The following KALRN variants were observed in gnomAD, a reference collection of about 807,000 sequenced individuals.
KALRN encodes kalirin RhoGEF kinase.
Under a neutral mutation model 353.7 loss-of-function variants are expected in KALRN, and 70 were observed. The observed-to-expected ratio is 0.20, with a 90% CI of 0.16 to 0.24. The LOEUF (loss-of-function observed/expected upper bound fraction) is 0.24, where lower values mean the gene tolerates loss of function less well. KALRN is among the 10% of genes least tolerant of loss of function. KALRN has a pLI of 1.00. For synonymous variants in KALRN, 1,391 were observed against 1,434.8 expected (o/e 0.97, Z 0.69); for missense variants, 2,791 against 3,756.7 (o/e 0.74, Z 6.72).
chr3:124,294,937 CTT>C (rs1220957247), intron 5 of KALRN, among the ~76,000 whole-genome samples: 2 of 152,186 alleles, frequency 1.3e-5, no homozygotes, highest in Admixed American at 1.3e-4. Flanking sequence ...AATGAAGTGA[CTT>C]TTCCACAGTC....
chr3:124,113,649 C>T (rs191426324), intron 1 of KALRN, among the ~76,000 whole-genome samples: 82 of 152,258 alleles, frequency 5.4e-4, no homozygotes, highest in African/African-American at 1.8e-3. Context: ...TTTAAGGCCC[C>T]GCCTCCTCAC....
intron 5 of KALRN, among the ~76,000 whole-genome samples, chr3:124,296,481 G>C (rs967389958): frequency 8.5e-5 from 13 of 152,144 alleles, no homozygotes; most frequent in African/African-American, 3.1e-4. Context: ...CCGTAATCCA[G>C]GACTCCGGGT....
intron 1 of KALRN, among the ~76,000 whole-genome samples, chr3:124,205,074 C>G (rs1277712351): frequency 6.6e-6 from 1 of 152,168 alleles, no homozygotes; most frequent in African/African-American, 2.4e-5. Context: ...AACAAAACAG[C>G]GTCAGGACAT....
intron 11 of KALRN, among the ~76,000 whole-genome samples, chr3:124,389,205 T>A (rs1008481982): frequency 1.3e-5 from 2 of 152,314 alleles, no homozygotes. Flanking sequence ...GGTGCCAATT[T>A]GTAAAAGAAT....
At chr3:124,714,950 A>C (rs955771196) in intron 58 of KALRN, among the ~76,000 whole-genome samples, 2 of 148,392 alleles carry the variant, frequency 1.3e-5, no homozygotes, top group Non-Finnish European at 1.5e-5. Context: ...CAGGATGTGG[A>C]GGTTGCAGTG....
intron 25 of KALRN, among the ~76,000 whole-genome samples, chr3:124,472,131 G>A (rs4544556): frequency 0.25 from 37,733 of 152,030 alleles, 6,480 homozygotes; most frequent in East Asian, 0.58. Flanking sequence ...AAGTCAGGGT[G>A]TTGCTCTATT....
At chr3:124,247,545 TA>T (rs1273454067) in intron 3 of KALRN, among the ~76,000 whole-genome samples, 1 of 152,126 alleles carries the variant, frequency 6.6e-6, no homozygotes, top group African/African-American at 2.4e-5. Context: ...AAATCAAATT[TA>T]AAAAAACTAA....
intron 1 of KALRN, among the ~76,000 whole-genome samples, chr3:124,190,809 A>G (rs1003029957): frequency 3.3e-5 from 5 of 152,226 alleles, no homozygotes; most frequent in African/African-American, 9.6e-5. Flanking sequence ...GTTCTTCAGC[A>G]GACACCAACT....
intron 34 of KALRN, among the ~76,000 whole-genome samples, chr3:124,570,443 CATGGGAGT>C (rs1235934272): frequency 3.3e-5 from 5 of 152,098 alleles, no homozygotes; most frequent in African/African-American, 7.2e-5. Context: ...CAGAAGTATA[CATGGGAGT>C]ATGATCAATG....
intron 33 of KALRN, chr3:124,518,932 T>C (rs2066926673): frequency 1.0e-6 from 1 of 999,268 alleles, no homozygotes; most frequent in Admixed American, 5.4e-5. Flanking sequence ...CCCATCATTC[T>C]AATCTAGCTT....
At chr3:124,707,779 G>T (rs1440941360) in intron 57 of KALRN, among the ~76,000 whole-genome samples, 1 of 152,106 alleles carries the variant, frequency 6.6e-6, no homozygotes, top group African/African-American at 2.4e-5. Flanking sequence ...CATCTTTCTG[G>T]CCAGACAACT....
intron 15 of KALRN, among the ~76,000 whole-genome samples, 197 bp from the exon 16 acceptor site, chr3:124,430,459 A>C (rs1005103): frequency 0.067 from 10,128 of 152,224 alleles, 804 homozygotes; most frequent in African/African-American, 0.18. Flanking sequence ...CAGGTACATA[A>C]AATAAGTACC....
chr3:124,640,863 A>G (rs1417456756), intron 37 of KALRN, among the ~76,000 whole-genome samples: 1 of 152,210 alleles, frequency 6.6e-6, no homozygotes, highest in Non-Finnish European at 1.5e-5. Flanking sequence ...TCTTCGTTCC[A>G]TATGAGGAAG....
At chr3:124,236,892 G>T (rs1337199683) in intron 3 of KALRN, among the ~76,000 whole-genome samples, 1 of 152,228 alleles carries the variant, frequency 6.6e-6, no homozygotes, top group African/African-American at 2.4e-5. Context: ...AGAACTGGAA[G>T]GCTCTTCACA....
At chr3:124,163,680 T>A in intron 1 of KALRN, 1 of 985,034 alleles carries the variant, frequency 1.0e-6, no homozygotes, top group Non-Finnish European at 1.2e-6. Context: ...GTATAAATAT[T>A]ACAACAGGAC....
chr3:124,595,306 G>C (rs1189560608), intron 34 of KALRN, among the ~76,000 whole-genome samples: 1 of 152,004 alleles, frequency 6.6e-6, no homozygotes, highest in Non-Finnish European at 1.5e-5. Flanking sequence ...AGCCAGCTCA[G>C]CTCAGACAGG....
At chr3:124,044,614 CAAA>C (rs758755114) in intron 1 of KALRN, among the ~76,000 whole-genome samples, 4 of 67,284 alleles carry the variant, frequency 5.9e-5, no homozygotes, top group Non-Finnish European at 9.8e-5. Context: ...ACTCTGTCTC[CAAA>C]AAAAAAAAAA....
chr3:124,696,071 T>C (rs947923320), intron 53 of KALRN, 63 bp from the exon 54 acceptor site: 1 of 1,587,092 alleles, frequency 6.3e-7, no homozygotes, highest in Admixed American at 1.7e-5. Flanking sequence ...CCCTATGGGA[T>C]TTTACCCAGC....
intron 39 of KALRN, 94 bp downstream of exon 39, chr3:124,655,761 G>T: frequency 1.2e-6 from 1 of 815,286 alleles, no homozygotes; most frequent in South Asian, 1.4e-5. Context: ...ATGGTTACAT[G>T]TACTTTACTG....
Sources: allele counts gnomAD v4.1 joint callset (sites outside exome capture counted in the v4.1 genomes callset), GRCh38; gene constraint gnomAD v4.1.1; transcripts MANE v1.5; gene names NCBI Gene and HGNC (gene_info 2026-07-23, HGNC 2026-07-21).